Variants in SYTL2 observed in about 807,000 individuals in gnomAD.
SYTL2 encodes synaptotagmin-like protein 2.
SYTL2 carries 165 observed loss-of-function variants against 198.7 expected under a neutral mutation model. The observed-to-expected ratio is 0.83, with a 90% confidence interval of 0.73 to 0.94. The LOEUF (loss-of-function observed/expected upper bound fraction) is 0.94. Among genes scored for constraint, SYTL2 ranks in the 40% least tolerant of loss-of-function variants. The probability of loss-of-function intolerance (pLI) is 0.00; values close to 1 mark genes in which losing one functional copy is unlikely to be tolerated. For missense variants in SYTL2, 2,835 were observed against 2,582.8 expected (o/e 1.10, Z -2.12); for synonymous variants, 966 against 917.7 (o/e 1.05, Z -0.95).
upstream of SYTL2, chr11:85,811,193 CG>C (rs1441864095): frequency 6.6e-6 from 1 of 152,052 alleles, no homozygotes; most frequent in Non-Finnish European, 1.5e-5. Context: ...CCGCCCCCGG[CG>C]GGCGGTGCGG....
chr11:85,770,662 T>C (rs1360602674), intron 1 of SYTL2, among the ~76,000 whole-genome samples: 1 of 152,198 alleles, frequency 6.6e-6, no homozygotes, highest in Non-Finnish European at 1.5e-5. Flanking sequence ...GACCATTGTT[T>C]ATGCCATTCT....
chr11:85,720,609 A>C (rs1442342857), intron 9 of SYTL2, among the ~76,000 whole-genome samples: 1 of 152,218 alleles, frequency 6.6e-6, no homozygotes, highest in Non-Finnish European at 1.5e-5. Context: ...GAAACACTCA[A>C]ACTGGGATTC....
intron 1 of SYTL2, among the ~76,000 whole-genome samples, chr11:85,772,313 T>A (rs909750429): frequency 3.3e-5 from 5 of 152,240 alleles, no homozygotes; most frequent in African/African-American, 1.2e-4. Context: ...CCTATCTTCA[T>A]ATATATAGTT....
the SYTL2 span, among the ~76,000 whole-genome samples, chr11:85,844,628 G>A: frequency 6.6e-6 from 1 of 152,224 alleles, no homozygotes; most frequent in Non-Finnish European, 1.5e-5. Context: ...TTGAGCCAAA[G>A]AGATGAGGTC....
intron 1 of SYTL2, among the ~76,000 whole-genome samples, chr11:85,787,990 C>T (rs1038958474): frequency 8.5e-5 from 13 of 152,096 alleles, no homozygotes; most frequent in African/African-American, 3.1e-4. Context: ...AATATATTTG[C>T]TCTTGATGTG....
intron 2 of SYTL2, 87 bp from the exon 3 acceptor site, chr11:85,748,510 C>A (rs2091312573): frequency 8.8e-6 from 12 of 1,370,212 alleles, no homozygotes; most frequent in Admixed American, 6.0e-5. Flanking sequence ...CATGTGTAAA[C>A]ACACAGATAA....
chr11:85,722,737 T>G (rs2088543674), intron 8 of SYTL2, among the ~76,000 whole-genome samples: 1 of 151,954 alleles, frequency 6.6e-6, no homozygotes, highest in African/African-American at 2.4e-5. Flanking sequence ...TAAATAAATT[T>G]AGAGATTTAA....
intron 1 of SYTL2, among the ~76,000 whole-genome samples, chr11:85,789,401 A>AAATT (rs2092698947): frequency 1.7e-5 from 1 of 60,492 alleles, no homozygotes; most frequent in African/African-American, 7.2e-5. Context: ...TATATATATA[A>AAATT]TTTTTTTTTT....
intron 1 of SYTL2, among the ~76,000 whole-genome samples, chr11:85,761,846 T>C (rs1054976933): frequency 6.6e-6 from 1 of 152,070 alleles, no homozygotes; most frequent in Admixed American, 6.6e-5. Flanking sequence ...TTTGGTAGAG[T>C]TGCAGCTTTG....
intron 7 of SYTL2, among the ~76,000 whole-genome samples, chr11:85,728,347 C>T (rs1027242792): frequency 5.3e-5 from 8 of 152,046 alleles, no homozygotes; most frequent in Non-Finnish European, 7.4e-5. Flanking sequence ...AGTGCAGTGG[C>T]GGGATCTCGG....
intron 2 of SYTL2, among the ~76,000 whole-genome samples, chr11:85,749,651 G>T (rs1156839134): frequency 2.0e-5 from 3 of 152,116 alleles, no homozygotes; most frequent in African/African-American, 7.2e-5. Context: ...ACCCTAACAG[G>T]GAGAGCATCA....
intron 17 of SYTL2, among the ~76,000 whole-genome samples, chr11:85,698,824 C>T (rs1341685000): frequency 2.0e-5 from 3 of 152,226 alleles, no homozygotes; most frequent in Admixed American, 2.0e-4. Flanking sequence ...CAGGCGTGAG[C>T]CACCACCCCC....
At chr11:85,775,481 T>C (rs192471687) in intron 1 of SYTL2, among the ~76,000 whole-genome samples, 1 of 152,064 alleles carries the variant, frequency 6.6e-6, no homozygotes, top group Admixed American at 6.5e-5. Context: ...TAATCCCCCA[T>C]TTATTTATTT....
chr11:85,802,375 C>G (rs1326303289), intron 1 of SYTL2, among the ~76,000 whole-genome samples: 1 of 152,062 alleles, frequency 6.6e-6, no homozygotes, highest in Non-Finnish European at 1.5e-5. Flanking sequence ...GTGCCCACCA[C>G]CAGGCCCAGC....
upstream of SYTL2, among the ~76,000 whole-genome samples, chr11:85,813,043 G>T (rs544776572): frequency 6.6e-6 from 1 of 152,206 alleles, no homozygotes; most frequent in Non-Finnish European, 1.5e-5. Context: ...AATACATGCT[G>T]TTCCCAGTAT....
intron 1 of SYTL2, among the ~76,000 whole-genome samples, chr11:85,794,611 T>A (rs2092776857): frequency 6.6e-6 from 1 of 152,218 alleles, no homozygotes; most frequent in African/African-American, 2.4e-5. Context: ...TCTCCATGAA[T>A]TATCCCTTGG....
chr11:85,853,505 C>G, the SYTL2 span: 3 of 264,056 alleles, frequency 1.1e-5, no homozygotes, highest in Admixed American at 1.5e-4. Context: ...TCTCAAGTAC[C>G]CAGGGACACA....
chr11:85,713,467 C>A (rs1002808106), intron 12 of SYTL2, among the ~76,000 whole-genome samples: 1 of 152,138 alleles, frequency 6.6e-6, no homozygotes. Context: ...CTGAATGTGT[C>A]CATGATCACA....
At chr11:85,696,896 A>C (rs290174) in intron 18 of SYTL2, among the ~76,000 whole-genome samples, 87,391 of 152,050 alleles carry the variant, frequency 0.57, 25,722 homozygotes, top group Middle Eastern at 0.65. Flanking sequence ...AAACCTCTCC[A>C]AATTGCTAGA....
Sources: gnomAD v4.1 joint callset for allele counts (sites outside exome capture counted in the v4.1 genomes callset) on GRCh38, gnomAD v4.1.1 for gene constraint, MANE v1.5 for transcripts, NCBI Gene and HGNC (gene_info 2026-07-23, HGNC 2026-07-21) for gene names.